Variants in CDH3 observed in about 807,000 individuals in gnomAD.
CDH3 encodes the protein cadherin 3.
CDH3 carries 54 observed loss-of-function variants against 82.0 expected under a neutral mutation model. That is an observed-to-expected ratio of 0.66 (90% CI 0.53 to 0.83). The LOEUF (loss-of-function observed/expected upper bound fraction) is 0.83. CDH3 is among the 40% of genes least tolerant of loss of function. CDH3 has a pLI of 0.00. For synonymous variants in CDH3, 446 were observed against 437.9 expected (o/e 1.02, Z -0.23); for missense variants, 1,054 against 1,084.6 (o/e 0.97, Z 0.40).
At chr16:68,658,006 C>T (rs1032272688) in intron 2 of CDH3, among the ~76,000 whole-genome samples, 6 of 151,924 alleles carry the variant, frequency 3.9e-5, no homozygotes, top group Admixed American at 3.3e-4. Flanking sequence ...TAAGAAGTCT[C>T]CTCCTTCAAA....
intron 2 of CDH3, among the ~76,000 whole-genome samples, chr16:68,674,608 G>A (rs549101539): frequency 9.9e-5 from 15 of 152,082 alleles, no homozygotes; most frequent in South Asian, 2.1e-4. Context: ...GGTGGCATGC[G>A]TCTGTGGTCC....
At chr16:68,662,479 A>G (rs903439748) in intron 2 of CDH3, among the ~76,000 whole-genome samples, 1 of 150,580 alleles carries the variant, frequency 6.6e-6, no homozygotes, top group African/African-American at 2.4e-5. Flanking sequence ...TTTAAAAAAG[A>G]TATTTTTGGC....
At chr16:68,698,139 T>C (rs773075658) in intron 15 of CDH3, 52 bp from the exon 16 acceptor site, 2 of 1,543,332 alleles carry the variant, frequency 1.3e-6, no homozygotes, top group South Asian at 1.1e-5. Context: ...GGCTTGCAGC[T>C]GGCAAGAGGC....
chr16:68,680,378 C>A (rs570107959), intron 7 of CDH3, among the ~76,000 whole-genome samples: 2 of 152,318 alleles, frequency 1.3e-5, no homozygotes, highest in South Asian at 4.1e-4. Context: ...CAAATCCTCA[C>A]TCAAAACTCT....
chr16:68,678,286 G>A lies in CDH3; in HGVS notation c.390+9G>A, dbSNP rs1387866842. ...CCCAGAGACTGAATCAGGTACGACT[G>A]TGCCTTCTCCTGGGAAGCATTGGTG... On this transcript the variant is annotated intron_variant, in intron 4 of 15. Transcript: ENST00000264012. 6.2e-7 allele frequency: 1 copy of A among 1,614,098 alleles called. No individual in the cohort carries two copies. The highest frequency in any genetic ancestry group is 8.5e-7 in the Non-Finnish European group (1 of 1,179,956).
At chr16:68,677,624 G>C (rs1961067965) in intron 3 of CDH3, among the ~76,000 whole-genome samples, 1 of 152,192 alleles carries the variant, frequency 6.6e-6, no homozygotes, top group Non-Finnish European at 1.5e-5. Context: ...TGTAATCCCA[G>C]CTACTCAGGA....
At chr16:68,648,597 A>G (rs1177470516) in intron 2 of CDH3, among the ~76,000 whole-genome samples, 1 of 152,034 alleles carries the variant, frequency 6.6e-6, no homozygotes, top group Non-Finnish European at 1.5e-5. Context: ...GACCACAGAC[A>G]TGTGCTACCA....
intron 3 of CDH3, among the ~76,000 whole-genome samples, chr16:68,676,877 G>T (rs112606870): frequency 6.6e-6 from 1 of 152,084 alleles, no homozygotes; most frequent in Admixed American, 6.6e-5. Flanking sequence ...GCCACACTTC[G>T]TTTTAATTTT....
chr16:68,720,700 C>A (rs1241981915), intron 1 of CDH3, among the ~76,000 whole-genome samples: 1 of 150,966 alleles, frequency 6.6e-6, no homozygotes, highest in South Asian at 2.1e-4. Context: ...ACTGCAACAT[C>A]TGCCTCCCAG....
intron 2 of CDH3, among the ~76,000 whole-genome samples, chr16:68,667,995 G>A (rs887265712): frequency 6.6e-6 from 1 of 151,854 alleles, no homozygotes; most frequent in African/African-American, 2.4e-5. Flanking sequence ...TCCCTTCCCC[G>A]ACAGTATTTT....
intron 2 of CDH3, among the ~76,000 whole-genome samples, chr16:68,725,489 A>G (rs1176844979): frequency 2.0e-5 from 3 of 151,444 alleles, no homozygotes; most frequent in Admixed American, 1.3e-4. Flanking sequence ...GCCCGCCACC[A>G]CGCCTGGCTA....
chr16:68,673,945 C>T (rs917914865), intron 2 of CDH3, among the ~76,000 whole-genome samples: 1 of 152,040 alleles, frequency 6.6e-6, no homozygotes, highest in Admixed American at 6.6e-5. Flanking sequence ...TCTTGATGGA[C>T]ACTTGGGTTG....
intron 1 of CDH3, among the ~76,000 whole-genome samples, chr16:68,715,482 A>G (rs1485808092): frequency 2.0e-5 from 3 of 151,746 alleles, no homozygotes; most frequent in Non-Finnish European, 2.9e-5. Context: ...TATTAATTGC[A>G]TAACTGAGTG....
Position 68,645,336 on chromosome 16 carries a change from C to A in CDH3, c.-44C>A, listed in dbSNP as rs778901533. 2 of 1,602,680 alleles carry A rather than the reference C, an allele frequency of 1.2e-6. No homozygotes were observed. Among genetic ancestry groups the A allele is most frequent in the Admixed American group, 3.3e-5 (2 of 59,754 alleles). Reference sequence around the variant, plus strand: ...AAGGGGCAAGAGCTGAGCGGAACACCGGCCCGCCGTCGCGGCAGCTGCTTC... The same window carrying A: ...AAGGGGCAAGAGCTGAGCGGAACACAGGCCCGCCGTCGCGGCAGCTGCTTC... On this transcript the variant is annotated 5_prime_UTR_variant, in exon 1 of 16. Transcript: ENST00000264012.
intron 8 of CDH3, among the ~76,000 whole-genome samples, chr16:68,681,445 C>T (rs927133302): frequency 6.6e-6 from 1 of 152,160 alleles, no homozygotes; most frequent in African/African-American, 2.4e-5. Context: ...TGCTTGTGTA[C>T]CTCCAAGGCA....
rs1321422388 is a variant in CDH3, at chr16:68,654,712, AAAT to A, written c.160+8964_160+8966del. ...AGCAAGACTCTGTCTCAAAAAAAAA[AAAT>A]ATATATATATATATATATATTTATT... On this transcript the variant is annotated intron_variant, in intron 2 of 15. Coordinates refer to ENST00000264012, the MANE Select transcript of CDH3 (RefSeq NM_001793.6). Among the ~76,000 whole-genome samples, 45 of 91,024 alleles carry A rather than the reference AAAT, an allele frequency of 4.9e-4. 1 individual carries two copies. Among genetic ancestry groups the A allele is most frequent in the African/African-American group, 1.0e-3 (22 of 21,962 alleles). 59.7% of individuals were successfully genotyped at this position (91,024 alleles called of 152,430 possible).
chr16:68,682,254 G>C, intron 8 of CDH3, 48 bp from the exon 9 acceptor site: 5 of 1,588,068 alleles, frequency 3.1e-6, no homozygotes, highest in Non-Finnish European at 4.3e-6. Context: ...CTCTGGAGTA[G>C]GACAGTCATT....
rs200124759 is a variant in CDH3, at chr16:68,695,367, G to T, written c.2115G>T (p.Gly705=). The T allele has an allele frequency of 6.2e-7, 1 of 1,612,668 alleles. No individual in the cohort carries two copies. Among genetic ancestry groups the T allele is most frequent in the Non-Finnish European group, 8.5e-7 (1 of 1,179,436 alleles). ...RDNVFYYGEE[G]GGEEDQDYDI... is the part of the protein sequence containing the mutation. The stretch of plus-strand genomic sequence containing the variant: ...ACGTCTTCTACTATGGCGAAGAGGG[G>T]GGTGGCGAAGAGGACCAGGTGGGGC... The change falls in exon 14 of 16, where the codon GGG becomes GGT. Residue 705 remains glycine, a synonymous_variant. Coordinates refer to ENST00000264012, the MANE Select transcript of CDH3 (RefSeq NM_001793.6).
intron 2 of CDH3, 123 bp from the exon 3 acceptor site, chr16:68,676,262 T>A (rs3118229): frequency 1.4e-6 from 1 of 732,676 alleles, no homozygotes; most frequent in Non-Finnish European, 2.5e-6. Context: ...AAGCCAAGTC[T>A]CCCTTCTGCA....
Sources: gnomAD v4.1 joint callset for allele counts (sites outside exome capture counted in the v4.1 genomes callset) on GRCh38, gnomAD v4.1.1 for gene constraint, MANE v1.5 for transcripts, NCBI Gene and HGNC (gene_info 2026-07-23, HGNC 2026-07-21) for gene names.